Variants in ARHGAP5 observed in about 807,000 individuals in gnomAD.
ARHGAP5 encodes the protein Rho GTPase activating protein 5, also known as rho GTPase-activating protein 5.
Under a neutral mutation model 116.6 loss-of-function variants are expected in ARHGAP5, and 23 were observed. The observed-to-expected ratio is 0.20, with a 90% CI of 0.14 to 0.28. The LOEUF (loss-of-function observed/expected upper bound fraction) is 0.28. ARHGAP5 is among the 10% of genes least tolerant of loss of function. The pLI, the probability that ARHGAP5 is intolerant of heterozygous loss-of-function variation, is 1.00. For synonymous variants in ARHGAP5, 574 were observed against 602.0 expected, an observed-to-expected ratio of 0.95 and a Z score of 0.68; for missense variants, 1,405 against 1,774.8, an observed-to-expected ratio of 0.79 and a Z score of 3.74.
At chr14:32,100,717 CTG>C (rs1878754440) in intron 2 of ARHGAP5, among the ~76,000 whole-genome samples, 1 of 152,106 alleles carries the variant, frequency 6.6e-6, no homozygotes. Context: ...TGTGGGACAA[CTG>C]TATATGTTAT....
chr14:32,116,782 G>A (rs1017353891), intron 2 of ARHGAP5, among the ~76,000 whole-genome samples: 2 of 152,172 alleles, frequency 1.3e-5, no homozygotes, highest in Non-Finnish European at 2.9e-5. Context: ...CCTGCTTCAA[G>A]AGACCAAATG....
chr14:32,106,351 C>G lies in ARHGAP5; in HGVS notation c.3718-10789C>G, dbSNP rs148660826. ...GGCCAGGCTGGTCTTGAACTCCTGA[C>G]CTCGTGATCCACCCGCCTCAGCCTC... On this transcript the variant is annotated intron_variant, in intron 2 of 6. Transcript: ENST00000345122. Among the ~76,000 whole-genome samples, 4 of 152,230 alleles carry G rather than the reference C, an allele frequency of 2.6e-5. No homozygotes were observed. The East Asian group carries it at 7.7e-4, about 29-fold the overall frequency.
At chr14:32,142,510 C>T (rs145377416) in intron 3 of ARHGAP5, among the ~76,000 whole-genome samples, 22 of 152,254 alleles carry the variant, frequency 1.4e-4, no homozygotes, top group Non-Finnish European at 2.4e-4. Flanking sequence ...ATTCACTTTG[C>T]GGTGATTTGT....
At chr14:32,142,828 G>A (rs567123788) in intron 3 of ARHGAP5, among the ~76,000 whole-genome samples, 1 of 152,286 alleles carries the variant, frequency 6.6e-6, no homozygotes, top group South Asian at 2.1e-4. Flanking sequence ...ACAGAGTTCT[G>A]CAAACGTTGA....
intron 3 of ARHGAP5, among the ~76,000 whole-genome samples, chr14:32,125,482 T>G (rs1880106597): frequency 6.6e-6 from 1 of 152,216 alleles, no homozygotes; most frequent in African/African-American, 2.4e-5. Flanking sequence ...TGTTTTCAAT[T>G]ATTTTGGGTA....
At chr14:32,149,836 C>A in intron 4 of ARHGAP5, 66 bp from the exon 5 acceptor site, 3 of 919,842 alleles carry the variant, frequency 3.3e-6, no homozygotes, top group African/African-American at 1.8e-5. Flanking sequence ...CTAAAAGTAA[C>A]CATTTAGCTT....
At chr14:32,109,749 T>C (rs1040204770) in intron 2 of ARHGAP5, among the ~76,000 whole-genome samples, 2 of 152,130 alleles carry the variant, frequency 1.3e-5, no homozygotes, top group Non-Finnish European at 2.9e-5. Context: ...TTGCAAACTT[T>C]TTAAAAAAAT....
rs757485463 is a variant in ARHGAP5, at chr14:32,093,269, G to A, written c.2600G>A (p.Arg867Gln). 2.7e-5 allele frequency: 43 copies of A among 1,613,382 alleles called. No individual in the cohort carries two copies. The highest frequency in any genetic ancestry group is 2.7e-5 in the African/African-American group (2 of 74,856). The part of the protein sequence containing the change: ...AKRKASMGML[R>Q]AFLSEVQDTI... ...CGGAAAGCTTCGATGGGAATGCTTC[G>A]AGCATTTCTATCAGAAGTTCAAGAC... The change falls in exon 2 of 7, where the codon CGA becomes CAA. Residue 867 changes from arginine to glutamine, a missense_variant. Arg to Gln is a conservative substitution (Grantham distance 43). Around this residue, in one of 6 missense-constraint regions of ARHGAP5, gnomAD observed 944 missense variants for 1,095.3 expected, o/e 0.86. Coordinates refer to ENST00000345122, the MANE Select transcript of ARHGAP5 (RefSeq NM_001030055.2).
At chr14:32,112,362 TG>T (rs1236758424) in intron 2 of ARHGAP5, among the ~76,000 whole-genome samples, 1 of 152,222 alleles carries the variant, frequency 6.6e-6, no homozygotes, top group African/African-American at 2.4e-5. Context: ...GAGCAGTTTC[TG>T]GAAAGGGCTG....
chr14:32,146,708 G>T (rs1013949952), intron 4 of ARHGAP5, among the ~76,000 whole-genome samples: 2 of 152,098 alleles, frequency 1.3e-5, no homozygotes, highest in Non-Finnish European at 2.9e-5. Context: ...ATACAATATT[G>T]TATAAATTTT....
intron 4 of ARHGAP5, among the ~76,000 whole-genome samples, chr14:32,146,631 TAAG>T (rs1235211871): frequency 6.6e-6 from 1 of 152,120 alleles, no homozygotes; most frequent in East Asian, 1.9e-4. Flanking sequence ...AAATAGATGA[TAAG>T]AAACTTCTAA....
intron 6 of ARHGAP5, among the ~76,000 whole-genome samples, chr14:32,153,446 A>AAAAAAAAAT (rs1881748200): frequency 1.0e-5 from 1 of 99,928 alleles, no homozygotes; most frequent in African/African-American, 3.7e-5. Flanking sequence ...AAAAAAAAAA[A>AAAAAAAAAT]GATTGTTTTA....
intron 3 of ARHGAP5, among the ~76,000 whole-genome samples, chr14:32,118,426 G>A (rs1189817645): frequency 1.3e-5 from 2 of 152,010 alleles, no homozygotes; most frequent in African/African-American, 4.8e-5. Context: ...GAACCCAGGA[G>A]GTGAAGGTTG....
chr14:32,111,481 G>C (rs1323283974), intron 2 of ARHGAP5, among the ~76,000 whole-genome samples: 3 of 152,192 alleles, frequency 2.0e-5, no homozygotes, highest in Non-Finnish European at 4.4e-5. Flanking sequence ...CTTAATAAGA[G>C]CAGATTGATT....
chr14:32,101,551 T>G (rs1878791130), intron 2 of ARHGAP5, among the ~76,000 whole-genome samples: 1 of 152,126 alleles, frequency 6.6e-6, no homozygotes, highest in South Asian at 2.1e-4. Flanking sequence ...GTGCTTTTTG[T>G]TTTTTAGTGT....
intron 3 of ARHGAP5, among the ~76,000 whole-genome samples, chr14:32,125,264 T>C (rs1166521838): frequency 6.6e-6 from 1 of 152,230 alleles, no homozygotes; most frequent in African/African-American, 2.4e-5. Flanking sequence ...AATCACACAA[T>C]GTATGACCTT....
chr14:32,122,348 C>G (rs1462222863), intron 3 of ARHGAP5, among the ~76,000 whole-genome samples: 1 of 152,086 alleles, frequency 6.6e-6, no homozygotes, highest in African/African-American at 2.4e-5. Context: ...ATCCTTTGCC[C>G]TCTTTTTAGT....
Position 32,092,954 on chromosome 14 carries a change from A to T in ARHGAP5, c.2285A>T (p.Asp762Val), listed in dbSNP as rs1168697412. The T allele has an allele frequency of 2.5e-6, 4 of 1,614,034 alleles. No homozygotes were observed. Among genetic ancestry groups the T allele is most frequent in the South Asian group, 2.2e-5 (2 of 91,084 alleles). Residue 762 changes from aspartate (D) to valine (V), a missense_variant, in exon 2 of 7, where the codon GAT becomes GTT. By Grantham distance (152) the Asp-to-Val change is radical. Around this residue, in one of 6 missense-constraint regions of ARHGAP5, gnomAD observed 944 missense variants for 1,095.3 expected, o/e 0.86. Transcript: ENST00000345122. This position sits in a 1 kb window ranked among gnomAD's most constrained non-coding sequence, Gnocchi z 4.1. Reference sequence around the variant, plus strand: ...TTGGAATCAGTTAAACACAATTTGGATGTGGTGAGCCCAATTCCTGCCAAT... The same window carrying T: ...TTGGAATCAGTTAAACACAATTTGGTTGTGGTGAGCCCAATTCCTGCCAAT... ...GVLESVKHNLDVVSPIPANKD... is the reference protein window; with the variant it reads ...GVLESVKHNLVVVSPIPANKD...
At position 32,093,891 on chromosome 14, in the gene ARHGAP5, T is replaced by G; in HGVS notation, c.3222T>G (p.Thr1074=). The part of the protein sequence containing the change: ...AGIGKNPRKQ[T]SRVPLAHPED... ...TTGGTAAAAATCCAAGAAAGCAGAC[T>G]TCCCGGGTGCCTTTGGCACATCCTG... is the stretch of plus-strand genomic sequence containing the variant. Residue 1074 remains threonine, a synonymous_variant, in exon 2 of 7, where the codon ACT becomes ACG. Coordinates refer to ENST00000345122, the MANE Select transcript of ARHGAP5 (RefSeq NM_001030055.2). 6.2e-7 allele frequency: 1 copy of G among 1,614,144 alleles called. No individual in the cohort carries two copies. The highest frequency in any genetic ancestry group is 2.2e-5 in the East Asian group (1 of 44,872).
Sources: gnomAD v4.1 joint callset for allele counts (sites outside exome capture counted in the v4.1 genomes callset) on GRCh38, gnomAD v4.1.1 for gene constraint, gnomAD v4.1.1 regional missense constraint, Gnocchi (gnomAD v3.1) non-coding constraint, MANE v1.5 for transcripts, NCBI Gene and HGNC (gene_info 2026-07-23, HGNC 2026-07-21) for gene names.